Variants in NEK4 observed in about 807,000 individuals in gnomAD.
NEK4 encodes serine/threonine-protein kinase Nek4.
A neutral mutation model predicts 98.4 loss-of-function variants in NEK4; 86 were observed. The ratio of observed to expected loss-of-function variants is 0.87; its 90% confidence interval spans 0.73 to 1.05. The LOEUF (loss-of-function observed/expected upper bound fraction) is 1.05. NEK4 is among the 50% of genes least tolerant of loss of function. NEK4 has a pLI of 0.00. For missense variants in NEK4, 898 were observed against 950.3 expected, an observed-to-expected ratio of 0.94 and a Z score of 0.72; for synonymous variants, 328 against 342.2, an observed-to-expected ratio of 0.96 and a Z score of 0.46.
At chr3:52,762,806 G>A (rs567379887) in intron 5 of NEK4, among the ~76,000 whole-genome samples, 19 of 152,106 alleles carry the variant, frequency 1.2e-4, no homozygotes, top group East Asian at 3.9e-4. Context: ...GCTTGAACCC[G>A]GGAGGCGGAG....
intron 2 of NEK4, 108 bp from the exon 3 acceptor site, chr3:52,766,483 T>C (rs1698564591): frequency 1.3e-6 from 1 of 750,286 alleles, no homozygotes; most frequent in African/African-American, 1.8e-5. Flanking sequence ...TCTTTGACCG[T>C]AAAGAGTAAC....
intron 5 of NEK4, among the ~76,000 whole-genome samples, chr3:52,761,202 C>T (rs1215877445): frequency 6.6e-6 from 1 of 152,048 alleles, no homozygotes; most frequent in African/African-American, 2.4e-5. Flanking sequence ...GATCCTGGAA[C>T]AGAAAAGAGA....
chr3:52,765,655 C>G (rs79305642), intron 4 of NEK4, among the ~76,000 whole-genome samples: 5,946 of 152,192 alleles, frequency 0.039, 393 homozygotes, highest in African/African-American at 0.13. Context: ...TTCAAAAAGC[C>G]AATTCTTTTG....
In NEK4 at chr3:52,708,747, GA is replaced by G. The variant is rs554482248; in HGVS notation, c.*3029del. Reference sequence around the variant, plus strand: ...TAACGGATCATGTACAAAGCAACAGGAAAAAAAAAACTGCAAGCAGTAAAGG... The same window carrying G: ...TAACGGATCATGTACAAAGCAACAGGAAAAAAAAACTGCAAGCAGTAAAGG... On this transcript the variant is annotated 3_prime_UTR_variant, in exon 16 of 16. Transcript: ENST00000233027. 1.5e-4 allele frequency: 22 copies of G among 148,622 alleles called. No homozygotes were observed. The highest frequency in any genetic ancestry group is 3.9e-4 in the African/African-American group (16 of 40,686). The allele number at this position is 148,622 out of a possible 1,614,324, so 9.2% of individuals were successfully genotyped here. A position where few individuals can be genotyped will look rare whatever the true frequency, so the allele number is the denominator to read the frequency against.
At chr3:52,713,877 T>C (rs2097352736) in intron 15 of NEK4, among the ~76,000 whole-genome samples, 1 of 149,216 alleles carries the variant, frequency 6.7e-6, no homozygotes, top group Non-Finnish European at 1.5e-5. Flanking sequence ...TAATTAAATA[T>C]AAAATGTAAT....
intron 15 of NEK4, 32 bp from the exon 16 acceptor site, chr3:52,711,901 T>A: frequency 1.6e-6 from 2 of 1,253,530 alleles, no homozygotes; most frequent in Non-Finnish European, 2.3e-6. Flanking sequence ...AATCAATCAG[T>A]ATGTAGTAGG....
intron 6 of NEK4, among the ~76,000 whole-genome samples, chr3:52,759,324 CAG>C (rs1698259789): frequency 6.6e-6 from 1 of 151,058 alleles, no homozygotes. Context: ...TCACTTGATC[CAG>C]AGAGGTGGAG....
chr3:52,751,898 C>T, intron 7 of NEK4, 34 bp downstream of exon 7: 1 of 1,571,900 alleles, frequency 6.4e-7, no homozygotes, highest in African/African-American at 1.4e-5. Flanking sequence ...GTCTTCTCTC[C>T]AAAACCAGTA....
chr3:52,731,024 C>G (rs1326105626), intron 15 of NEK4, among the ~76,000 whole-genome samples: 1 of 151,996 alleles, frequency 6.6e-6, no homozygotes, highest in Admixed American at 6.6e-5. Flanking sequence ...TTTAAAATGG[C>G]TAAAATGGTA....
chr3:52,737,928 C>A (rs1301063096), intron 14 of NEK4, among the ~76,000 whole-genome samples: 1 of 152,122 alleles, frequency 6.6e-6, no homozygotes, highest in African/African-American at 2.4e-5. Flanking sequence ...ATTCTCCTGC[C>A]TCAGCCTCCC....
In NEK4 at chr3:52,743,389, G is replaced by A; in HGVS notation, c.1967C>T (p.Pro656Leu). 6.2e-7 allele frequency: 1 copy of A among 1,614,152 alleles called. No homozygotes were observed. The highest frequency in any genetic ancestry group is 8.5e-7 in the Non-Finnish European group (1 of 1,180,018). The change falls in exon 12 of 16, where the codon CCT (proline) becomes CTT (leucine). Residue 656 changes from proline to leucine, a missense_variant. Physicochemically the swap from Pro to Leu is moderately conservative, Grantham distance 98. Transcript: ENST00000233027. ...GKPQEEDQPL[P>L]ARRLSSDCSV... ...GCAGTCAGAGGAGAGCCGTCGGGCAGGCAAGGGCTGGTCTTCTTCCTGGGG... is the reference window on the plus strand; with the variant it reads ...GCAGTCAGAGGAGAGCCGTCGGGCAAGCAAGGGCTGGTCTTCTTCCTGGGG...
At chr3:52,714,251 G>A (rs1467290811) in intron 15 of NEK4, among the ~76,000 whole-genome samples, 1 of 152,168 alleles carries the variant, frequency 6.6e-6, no homozygotes. Context: ...CTCTGGAAAC[G>A]GTGCTAAGAG....
chr3:52,758,722 G>A (rs1698228086), intron 6 of NEK4, among the ~76,000 whole-genome samples: 1 of 152,074 alleles, frequency 6.6e-6, no homozygotes, highest in Non-Finnish European at 1.5e-5. Flanking sequence ...ATACTTGCAA[G>A]TTGTCTATCT....
chr3:52,751,822 G>T, intron 7 of NEK4, 110 bp downstream of exon 7: 1 of 1,052,376 alleles, frequency 9.5e-7, no homozygotes, highest in South Asian at 1.6e-5. Flanking sequence ...TGTTTAAACT[G>T]ATACATAGAA....
Position 52,767,442 on chromosome 3 carries a change from T to TGGC in NEK4, c.360+893_360+895dup, listed in dbSNP as rs1698607811. ...GAGAAAGTATCTCAGCCGGGCGTGG[T>TGGC]GGCTCACGCCTATAATCCCAGCACT... On this transcript the variant is annotated intron_variant, in intron 2 of 15. Coordinates refer to ENST00000233027, the MANE Select transcript of NEK4 (RefSeq NM_003157.6). Among the ~76,000 whole-genome samples the TGGC allele has an allele frequency of 2.0e-5, 3 of 151,770 alleles. No individual in the cohort carries two copies. The South Asian group carries it at 6.2e-4, about 32-fold the overall frequency.
At chr3:52,753,123 G>A (rs1278439025) in intron 6 of NEK4, among the ~76,000 whole-genome samples, 4 of 151,590 alleles carry the variant, frequency 2.6e-5, no homozygotes, top group African/African-American at 4.8e-5. Flanking sequence ...GCAACATGGC[G>A]AAACCCCATT....
intron 5 of NEK4, among the ~76,000 whole-genome samples, chr3:52,762,845 C>T (rs550075103): frequency 2.0e-5 from 3 of 152,048 alleles, no homozygotes; most frequent in South Asian, 2.1e-4. Context: ...CATGCCACTG[C>T]ACTCCAGCCT....
At position 52,721,413 on chromosome 3, in the gene NEK4, G is replaced by T. The variant is rs1221831050; in HGVS notation, c.2434-9544C>A. Reference sequence around the variant, plus strand: ...TTTTTTTCTTTTCCCCCTTTTGGGGGCCATACATTGAAGGAGCAGGATGTT... The same window carrying T: ...TTTTTTTCTTTTCCCCCTTTTGGGGTCCATACATTGAAGGAGCAGGATGTT... On this transcript the variant is annotated intron_variant, in intron 15 of 15. Coordinates refer to ENST00000233027, the MANE Select transcript of NEK4 (RefSeq NM_003157.6). Among the ~76,000 whole-genome samples the T allele has an allele frequency of 2.0e-5, 3 of 151,994 alleles. No individual in the cohort carries two copies. In the East Asian group the frequency reaches 5.8e-4, roughly 29 times the overall value.
In NEK4 at chr3:52,721,558, T is replaced by C. The variant is rs139918828; in HGVS notation, c.2434-9689A>G. On this transcript the variant is annotated intron_variant, in intron 15 of 15. Transcript: ENST00000233027. The stretch of plus-strand genomic sequence containing the variant: ...GCCTGGGCAACATAGGGAGACTCTG[T>C]CTCTACCAAAAAAAAAAATTTTTTT... Among the ~76,000 whole-genome samples the C allele has an allele frequency of 5.4e-3, 823 of 151,838 alleles. 3 individuals carry two copies. Among genetic ancestry groups the C allele is most frequent in the African/African-American group, 0.019 (779 of 41,408 alleles).
Sources: allele counts gnomAD v4.1 joint callset (sites outside exome capture counted in the v4.1 genomes callset), GRCh38; gene constraint gnomAD v4.1.1; transcripts MANE v1.5; gene names NCBI Gene and HGNC (gene_info 2026-07-23, HGNC 2026-07-21).